Variants in SUGCT observed in about 807,000 individuals in gnomAD.
The protein encoded by SUGCT is succinyl-CoA:glutarate CoA-transferase.
In SUGCT, 41 loss-of-function variants were observed where a neutral mutation model predicts 55.0. The ratio of observed to expected loss-of-function variants is 0.74; its 90% confidence interval spans 0.58 to 0.97. The LOEUF (loss-of-function observed/expected upper bound fraction) is 0.97. SUGCT is among the 50% of genes least tolerant of loss of function. The pLI is 0.00. For missense variants in SUGCT, 568 were observed against 547.8 expected (o/e 1.04, Z -0.37); for synonymous variants, 187 against 200.4 (o/e 0.93, Z 0.56).
chr7:40,627,289 T>C (rs1235049941), intron 12 of SUGCT, among the ~76,000 whole-genome samples: 1 of 152,082 alleles, frequency 6.6e-6, no homozygotes, highest in Non-Finnish European at 1.5e-5. Flanking sequence ...TGAGCAGCCA[T>C]TCAAGGGCTG....
At chr7:40,688,628 TAAA>T (rs1784563271) in intron 12 of SUGCT, among the ~76,000 whole-genome samples, 1 of 151,936 alleles carries the variant, frequency 6.6e-6, no homozygotes, top group African/African-American at 2.4e-5. Flanking sequence ...ATATGAAAAA[TAAA>T]AAATTTCAAA....
chr7:40,318,298 G>A (rs540402711), intron 9 of SUGCT, among the ~76,000 whole-genome samples: 1 of 152,224 alleles, frequency 6.6e-6, no homozygotes, highest in South Asian at 2.1e-4. Context: ...CATCAAACTT[G>A]CTCCTAGGTC....
At chr7:40,964,809 T>G in the SUGCT span, 1 of 152,172 alleles carries the variant, frequency 6.6e-6, no homozygotes, top group Non-Finnish European at 1.5e-5. Flanking sequence ...CCTGTTAAAT[T>G]GGTTTTGGCA....
At chr7:40,798,060 A>G (rs1298287104) in intron 13 of SUGCT, among the ~76,000 whole-genome samples, 1 of 152,204 alleles carries the variant, frequency 6.6e-6, no homozygotes, top group Non-Finnish European at 1.5e-5. Context: ...CTCCTTTAGA[A>G]TTCAAGATTC....
rs1325132845 is a variant in SUGCT at position 40,582,376 on chromosome 7, AATTCCATT to A, written c.1089+85994_1089+86001del. Among the ~76,000 whole-genome samples, 6 of 152,142 alleles carry A rather than the reference AATTCCATT, an allele frequency of 3.9e-5. No homozygotes were observed. The East Asian group carries it at 1.2e-3, about 29-fold the overall frequency. ...GTGTCTCTCAACAATGAGATATTTG[AATTCCATT>A]ATTATTTCACAGGCAGAACTGAAAT... is the stretch of plus-strand genomic sequence containing the variant. On this transcript the variant is annotated intron_variant, in intron 12 of 13. Coordinates refer to ENST00000335693, the MANE Select transcript of SUGCT (RefSeq NM_001193313.2).
chr7:40,836,078 T>TG (rs1280727290), intron 13 of SUGCT, among the ~76,000 whole-genome samples: 2 of 151,570 alleles, frequency 1.3e-5, no homozygotes, highest in East Asian at 3.9e-4. Context: ...TTTTTTTTTT[T>TG]AGTAGAGATG....
At chr7:40,820,559 C>T (rs1347509273) in intron 13 of SUGCT, among the ~76,000 whole-genome samples, 3 of 152,088 alleles carry the variant, frequency 2.0e-5, no homozygotes, top group African/African-American at 4.8e-5. Context: ...TGATTTGGCT[C>T]TCTGTTTGTC....
chr7:40,181,578 T>C (rs1053465128), intron 2 of SUGCT, among the ~76,000 whole-genome samples: 2 of 152,064 alleles, frequency 1.3e-5, no homozygotes, highest in African/African-American at 2.4e-5. Flanking sequence ...ACCCCGTCTC[T>C]ACTAAAAATA....
chr7:40,495,873 A>C (rs567728872), intron 11 of SUGCT, among the ~76,000 whole-genome samples: 1 of 152,278 alleles, frequency 6.6e-6, no homozygotes, highest in South Asian at 2.1e-4. Context: ...AAACAGCTAT[A>C]TTAGTATTTT....
At position 40,314,559 on chromosome 7, in the gene SUGCT, CT is replaced by C. The variant is rs1292941632; in HGVS notation, c.721-2179del. On this transcript the variant is annotated intron_variant, in intron 8 of 13. Transcript: ENST00000335693. ...ATAACTCCTATTGCATCCCTTGTGT[CT>C]TTTTTTTTTTTTTTTTTTTTTAAGA... Among the ~76,000 whole-genome samples, 947 of 108,720 alleles carry C rather than the reference CT, an allele frequency of 8.7e-3. 9 individuals are homozygous for C. The highest frequency in any genetic ancestry group is 0.028 in the African/African-American group (836 of 30,106). 71.3% of individuals were successfully genotyped at this position (108,720 alleles called of 152,430 possible).
chr7:40,189,468 G>T, intron 4 of SUGCT, 76 bp from the exon 5 acceptor site: 1 of 320,086 alleles, frequency 3.1e-6, no homozygotes, highest in Non-Finnish European at 5.4e-6. Context: ...TGGGTATATT[G>T]CATAGTGGTG....
chr7:40,424,441 C>T (rs1052801625), intron 9 of SUGCT, among the ~76,000 whole-genome samples: 1 of 152,126 alleles, frequency 6.6e-6, no homozygotes, highest in Non-Finnish European at 1.5e-5. Flanking sequence ...ATTTGTGAAA[C>T]ATGAGAATAA....
chr7:40,725,031 G>A (rs1383856465), intron 12 of SUGCT, among the ~76,000 whole-genome samples: 2 of 152,176 alleles, frequency 1.3e-5, no homozygotes, highest in African/African-American at 4.8e-5. Context: ...CAGGAGGAGT[G>A]CTTGCTGAGA....
chr7:40,713,089 T>A (rs948957571), intron 12 of SUGCT, among the ~76,000 whole-genome samples: 2 of 152,192 alleles, frequency 1.3e-5, no homozygotes, highest in Non-Finnish European at 2.9e-5. Context: ...TGCGGTTGGC[T>A]TCTGTTCCGT....
chr7:40,773,331 G>C (rs1789279881), intron 13 of SUGCT, among the ~76,000 whole-genome samples: 1 of 152,118 alleles, frequency 6.6e-6, no homozygotes, highest in Non-Finnish European at 1.5e-5. Context: ...GTTTCACCAT[G>C]TTGGCCAGGC....
intron 9 of SUGCT, among the ~76,000 whole-genome samples, chr7:40,439,818 A>C (rs1172940879): frequency 6.6e-6 from 1 of 152,138 alleles, no homozygotes; most frequent in African/African-American, 2.4e-5. Context: ...AGACTGCTCA[A>C]ACAGATGTCT....
intron 12 of SUGCT, among the ~76,000 whole-genome samples, chr7:40,612,912 C>G (rs555289697): frequency 4.6e-5 from 7 of 152,214 alleles, no homozygotes; most frequent in African/African-American, 1.7e-4. Context: ...GCTGGTGGAT[C>G]ACTTGAGGTT....
chr7:40,240,901 G>A (rs540593166), intron 7 of SUGCT, among the ~76,000 whole-genome samples: 5 of 152,122 alleles, frequency 3.3e-5, no homozygotes, highest in Admixed American at 6.6e-5. Context: ...AGCATTAGCC[G>A]ATTAGCATTA....
At chr7:40,221,937 G>C (rs1415443664) in intron 6 of SUGCT, among the ~76,000 whole-genome samples, 1 of 152,258 alleles carries the variant, frequency 6.6e-6, no homozygotes, top group Non-Finnish European at 1.5e-5. Context: ...TGGTGGATGA[G>C]TGGATTAATA....
Sources: gnomAD v4.1 joint callset for allele counts (sites outside exome capture counted in the v4.1 genomes callset) on GRCh38, gnomAD v4.1.1 for gene constraint, MANE v1.5 for transcripts, NCBI Gene and HGNC (gene_info 2026-07-23, HGNC 2026-07-21) for gene names.